The following MSH3 variants were observed in gnomAD, a reference collection of about 807,000 sequenced individuals.
MSH3 encodes the protein DNA mismatch repair protein Msh3.
In MSH3, 106 loss-of-function variants were observed where a neutral mutation model predicts 123.3. The ratio of observed to expected loss-of-function variants is 0.86; its 90% CI spans 0.73 to 1.01. The LOEUF is 1.01. MSH3 is among the 50% of genes least tolerant of loss of function. The probability of loss-of-function intolerance (pLI) is 0.00; values close to 1 mark genes in which losing one functional copy is unlikely to be tolerated. For synonymous variants in MSH3, 515 were observed against 481.4 expected, an observed-to-expected ratio of 1.07 and a Z score of -0.91; for missense variants, 1,459 against 1,347.6, an observed-to-expected ratio of 1.08 and a Z score of -1.29.
intron 8 of MSH3, among the ~76,000 whole-genome samples, chr5:80,698,261 A>G (rs1440781447): frequency 6.6e-6 from 1 of 152,168 alleles, no homozygotes; most frequent in African/African-American, 2.4e-5. Context: ...TACATCTTCT[A>G]AGTTGAACAT....
intron 7 of MSH3, among the ~76,000 whole-genome samples, chr5:80,675,385 G>C (rs201041209): frequency 6.6e-6 from 1 of 152,108 alleles, no homozygotes; most frequent in Admixed American, 6.5e-5. Flanking sequence ...AAAGAAAAGA[G>C]GTTTAATTGG....
At chr5:80,780,391 C>T (rs1379059701) in intron 17 of MSH3, among the ~76,000 whole-genome samples, 1 of 152,186 alleles carries the variant, frequency 6.6e-6, no homozygotes, top group Non-Finnish European at 1.5e-5. Flanking sequence ...GGCTAAGTAT[C>T]ATACCCAACT....
intron 21 of MSH3, among the ~76,000 whole-genome samples, chr5:80,860,443 G>GT (rs199512437): frequency 0.56 from 76,776 of 137,114 alleles, 21,207 homozygotes; most frequent in South Asian, 0.66. Flanking sequence ...GAGGTTTGTT[G>GT]TTTTTTTTTT....
intron 2 of MSH3, among the ~76,000 whole-genome samples, chr5:80,661,107 G>A (rs2112806000): frequency 6.6e-6 from 1 of 152,000 alleles, no homozygotes; most frequent in East Asian, 1.9e-4. Flanking sequence ...GCCTTTGTCT[G>A]GTTTTTAATT....
In MSH3 at chr5:80,775,713, ACT is replaced by A. The variant is rs1416092389; in HGVS notation, c.2276_2277del (p.Ser759CysfsTer8). 1 of 1,577,386 alleles carries A rather than the reference ACT, an allele frequency of 6.3e-7. No individual in the cohort carries two copies. Among genetic ancestry groups the A allele is most frequent in the African/African-American group, 1.3e-5 (1 of 74,142 alleles). ...TTTTAGTTTATGATAGAAATAAAGA[ACT>A]CTGCTGTATCTTGTATACCAACTGA... On this transcript the variant is annotated frameshift_variant, in exon 16 of 24. Transcript: ENST00000265081. LOFTEE classifies it high-confidence loss of function.
chr5:80,770,328 A>G (rs1744195013), intron 15 of MSH3, among the ~76,000 whole-genome samples: 1 of 151,334 alleles, frequency 6.6e-6, no homozygotes, highest in Non-Finnish European at 1.5e-5. Flanking sequence ...TCTACCATTT[A>G]CATGCTATAC....
At chr5:80,765,881 G>C (rs1311500034) in intron 13 of MSH3, among the ~76,000 whole-genome samples, 1 of 152,178 alleles carries the variant, frequency 6.6e-6, no homozygotes, top group Non-Finnish European at 1.5e-5. Context: ...ATGTCTGAAA[G>C]TGGTTTTTTT....
chr5:80,674,309 C>G lies in MSH3; in HGVS notation c.1028-674C>G, dbSNP rs6151648. Among the ~76,000 whole-genome samples, 564 of 152,196 alleles carry G rather than the reference C, an allele frequency of 3.7e-3. 3 individuals are homozygous for G. The highest frequency in any genetic ancestry group is 0.013 in the African/African-American group (540 of 41,530). On this transcript the variant is annotated intron_variant, in intron 6 of 23. Transcript: ENST00000265081. ...TTAGTTAATGGACTCATTTTATACACACATACACAGACATACATGCACATA... is the reference window on the plus strand; with the variant it reads ...TTAGTTAATGGACTCATTTTATACAGACATACACAGACATACATGCACATA...
intron 8 of MSH3, among the ~76,000 whole-genome samples, chr5:80,691,901 A>C (rs1035718912): frequency 7.4e-6 from 1 of 135,978 alleles, no homozygotes. Context: ...ATATGTTTAT[A>C]TAGATAAACA....
rs1452536218 is a variant in MSH3, at chr5:80,743,823, G to A, written c.1654-683G>A. ...CGCGCCACTGCACTCCAGCCTGGGC[G>A]ACAGAGCGAGACTCCGTCTCAAAAA... On this transcript the variant is annotated intron_variant, in intron 11 of 23. Coordinates refer to ENST00000265081, the MANE Select transcript of MSH3 (RefSeq NM_002439.5). 1.2e-3 allele frequency among the ~76,000 whole-genome samples: 9 copies of A among 7,332 alleles called. 4 individuals carry two copies. The Admixed American group carries it at 0.021, about 17-fold the overall frequency. The allele number at this position is 7,332 out of a possible 152,430, so 4.8% of individuals were successfully genotyped here.
chr5:80,666,210 A>T (rs1444739415), intron 3 of MSH3, among the ~76,000 whole-genome samples: 1 of 152,198 alleles, frequency 6.6e-6, no homozygotes, highest in Non-Finnish European at 1.5e-5. Context: ...AAGGAAAAGC[A>T]GTCATTTTAA....
At chr5:80,757,995 T>A (rs1232464090) in intron 12 of MSH3, among the ~76,000 whole-genome samples, 2 of 152,190 alleles carry the variant, frequency 1.3e-5, no homozygotes, top group African/African-American at 4.8e-5. Context: ...GTGAACAGTG[T>A]CACATACCCT....
chr5:80,712,604 T>C (rs974779072), intron 8 of MSH3, among the ~76,000 whole-genome samples: 2 of 152,156 alleles, frequency 1.3e-5, no homozygotes, highest in Non-Finnish European at 2.9e-5. Context: ...GGGGTTTTTT[T>C]CCCCTCTGTG....
chr5:80,805,590 TA>T (rs1561484057), intron 19 of MSH3, among the ~76,000 whole-genome samples: 1 of 21,082 alleles, frequency 4.7e-5, no homozygotes, highest in Non-Finnish European at 8.6e-5. Context: ...CCCCCCCCCC[TA>T]CCTTTTTTTT....
At chr5:80,875,097 T>A (rs1207299505) in intron 23 of MSH3, among the ~76,000 whole-genome samples, 1 of 152,212 alleles carries the variant, frequency 6.6e-6, no homozygotes, top group Non-Finnish European at 1.5e-5. Context: ...TGCAGCAGCC[T>A]ACACACTGTG....
At chr5:80,691,634 C>G (rs867653638) in intron 8 of MSH3, among the ~76,000 whole-genome samples, 1 of 150,220 alleles carries the variant, frequency 6.7e-6, no homozygotes, top group Middle Eastern at 3.5e-3. Flanking sequence ...TTCACAGAAA[C>G]TGACAAGCTG....
At chr5:80,858,634 C>T (rs1349748089) in intron 21 of MSH3, among the ~76,000 whole-genome samples, 1 of 151,922 alleles carries the variant, frequency 6.6e-6, no homozygotes, top group Non-Finnish European at 1.5e-5. Context: ...AAAATGTGGT[C>T]TTTCTTGGTG....
chr5:80,827,379 A>T (rs1745338245), intron 20 of MSH3, among the ~76,000 whole-genome samples: 2 of 152,226 alleles, frequency 1.3e-5, no homozygotes, highest in African/African-American at 4.8e-5. Flanking sequence ...GTTTTTCTTG[A>T]AAGAGAATTG....
intron 10 of MSH3, among the ~76,000 whole-genome samples, chr5:80,739,523 C>T (rs1743574089): frequency 6.6e-6 from 1 of 152,130 alleles, no homozygotes; most frequent in Non-Finnish European, 1.5e-5. Context: ...AAATGATTGC[C>T]TTCAGGGAGC....
Sources: gnomAD v4.1 joint callset for allele counts (sites outside exome capture counted in the v4.1 genomes callset) on GRCh38, gnomAD v4.1.1 for gene constraint, MANE v1.5 for transcripts, NCBI Gene and HGNC (gene_info 2026-07-23, HGNC 2026-07-21) for gene names.